KCNIP4: variants seen among roughly 807,000 people sequenced by gnomAD.
The protein encoded by KCNIP4 is potassium voltage-gated channel interacting protein 4.
KCNIP4 carries 12 observed loss-of-function variants against 34.0 expected under a neutral mutation model. The ratio of observed to expected loss-of-function variants is 0.35; its 90% CI spans 0.23 to 0.57. The LOEUF (loss-of-function observed/expected upper bound fraction) is 0.57. Ranked by LOEUF, KCNIP4 falls within the 20% of genes least tolerant of loss-of-function variation. The pLI is 0.83. For synonymous variants in KCNIP4, 124 were observed against 102.2 expected, an observed-to-expected ratio of 1.21 and a Z score of -1.29; for missense variants, 238 against 311.7, an observed-to-expected ratio of 0.76 and a Z score of 1.78.
At chr4:21,286,991 T>C (rs765888645) in intron 1 of KCNIP4, among the ~76,000 whole-genome samples, 20 of 152,180 alleles carry the variant, frequency 1.3e-4, no homozygotes, top group Admixed American at 1.3e-3. Context: ...TACTGTAAGA[T>C]TCCTCAACAC....
chr4:21,940,253 A>G (rs1382455849), intron 1 of KCNIP4, among the ~76,000 whole-genome samples: 1 of 152,136 alleles, frequency 6.6e-6, no homozygotes, highest in Non-Finnish European at 1.5e-5. Context: ...GGAAAATAGA[A>G]CAAACACAGA....
At chr4:20,780,843 A>G (rs1406463742) in intron 3 of KCNIP4, among the ~76,000 whole-genome samples, 1 of 152,224 alleles carries the variant, frequency 6.6e-6, no homozygotes, top group East Asian at 1.9e-4. Context: ...ATGTGAGTCA[A>G]TAAACCTTTA....
intron 1 of KCNIP4, among the ~76,000 whole-genome samples, chr4:21,012,171 G>A (rs530038966): frequency 1.3e-5 from 2 of 152,282 alleles, no homozygotes; most frequent in East Asian, 3.9e-4. Flanking sequence ...GGTTCCTGTT[G>A]TGCCCAGCAC....
intron 1 of KCNIP4, among the ~76,000 whole-genome samples, chr4:21,894,134 C>T: frequency 6.6e-6 from 1 of 151,848 alleles, no homozygotes; most frequent in East Asian, 1.9e-4. Context: ...AAGCTCAAGA[C>T]CAGCCTGGGA....
At chr4:21,909,061 A>G (rs1311348917) in intron 1 of KCNIP4, among the ~76,000 whole-genome samples, 1 of 152,182 alleles carries the variant, frequency 6.6e-6, no homozygotes, top group African/African-American at 2.4e-5. Context: ...TGGTGTAAAT[A>G]CAGAGTAAAT....
At chr4:21,405,179 A>G (rs1723866975) in intron 1 of KCNIP4, among the ~76,000 whole-genome samples, 1 of 151,870 alleles carries the variant, frequency 6.6e-6, no homozygotes. Context: ...GTTCTTAGTA[A>G]TTTTCCGTCC....
chr4:21,851,873 G>A lies in KCNIP4; in HGVS notation c.61+96698C>T, dbSNP rs142875708. ...AGACTCTCAAGATACTGGAACCCTC[G>A]TCTCAGTTCTGTCTTAATAAAATTT... On this transcript the variant is annotated intron_variant, in intron 1 of 8. Coordinates refer to ENST00000382152, the MANE Select transcript of KCNIP4 (RefSeq NM_025221.6). The A allele has an allele frequency of 4.7e-4, 71 of 152,218 alleles. 1 individual carries two copies. Among genetic ancestry groups the A allele is most frequent in the African/African-American group, 1.5e-3 (62 of 41,534 alleles). The allele number at this position is 152,218 out of a possible 1,614,324, so 9.4% of individuals were successfully genotyped here.
At chr4:21,360,217 A>G (rs1223035902) in intron 1 of KCNIP4, among the ~76,000 whole-genome samples, 1 of 152,136 alleles carries the variant, frequency 6.6e-6, no homozygotes, top group Non-Finnish European at 1.5e-5. Flanking sequence ...ATCAAGAATT[A>G]TTAGGAATCA....
intron 3 of KCNIP4, among the ~76,000 whole-genome samples, chr4:20,781,475 T>C (rs948918215): frequency 6.6e-6 from 1 of 151,932 alleles, no homozygotes; most frequent in Non-Finnish European, 1.5e-5. Context: ...GAAAAAGAGG[T>C]TTAATTGGAC....
At chr4:21,478,795 C>A (rs1731197858) in intron 1 of KCNIP4, among the ~76,000 whole-genome samples, 1 of 152,134 alleles carries the variant, frequency 6.6e-6, no homozygotes, top group Non-Finnish European at 1.5e-5. Flanking sequence ...CAATCTGGAT[C>A]CCTTATACAG....
chr4:21,556,146 T>A (rs1032356340), intron 1 of KCNIP4, among the ~76,000 whole-genome samples: 2 of 152,094 alleles, frequency 1.3e-5, no homozygotes, highest in Non-Finnish European at 2.9e-5. Flanking sequence ...TGAGTAAAAA[T>A]GGATTTTGAG....
intron 1 of KCNIP4, among the ~76,000 whole-genome samples, chr4:21,880,380 A>G (rs1367404414): frequency 6.6e-6 from 1 of 152,180 alleles, no homozygotes; most frequent in Non-Finnish European, 1.5e-5. Flanking sequence ...AATGTATATT[A>G]GTTTTCCTAA....
Position 21,934,258 on chromosome 4 carries a change from C to A in KCNIP4, c.61+14313G>T, listed in dbSNP as rs550870418. Among the ~76,000 whole-genome samples the A allele has an allele frequency of 1.8e-4, 28 of 152,150 alleles. No homozygotes were observed. In the South Asian group the frequency reaches 3.3e-3, roughly 18 times the overall value. ...TACTGCACTTCCAACGACTAGGCTG[C>A]CCCAGACTCTTATCAGGCACTAGTT... On this transcript the variant is annotated intron_variant, in intron 1 of 8. Transcript: ENST00000382152.
chr4:21,505,666 A>C (rs1276374023), intron 1 of KCNIP4, among the ~76,000 whole-genome samples: 1 of 152,142 alleles, frequency 6.6e-6, no homozygotes, highest in African/African-American at 2.4e-5. Context: ...GACTTTCAGC[A>C]CTCAAAAGGC....
intron 1 of KCNIP4, among the ~76,000 whole-genome samples, chr4:21,446,414 C>A (rs1188707200): frequency 6.6e-6 from 1 of 151,902 alleles, no homozygotes; most frequent in Non-Finnish European, 1.5e-5. Flanking sequence ...GAAAATGTGG[C>A]ACATATACAC....
intron 3 of KCNIP4, among the ~76,000 whole-genome samples, chr4:20,760,820 GA>G (rs758390077): frequency 6.6e-6 from 1 of 151,998 alleles, no homozygotes; most frequent in Non-Finnish European, 1.5e-5. Context: ...TTGGAGTAAA[GA>G]AAAAAACAAC....
intron 1 of KCNIP4, among the ~76,000 whole-genome samples, chr4:21,135,932 G>C (rs1012556950): frequency 1.3e-5 from 2 of 152,126 alleles, no homozygotes; most frequent in Admixed American, 1.3e-4. Context: ...GCTTAACAGT[G>C]CTCCCTGCAA....
At chr4:20,822,938 C>T (rs995451955) in intron 3 of KCNIP4, among the ~76,000 whole-genome samples, 12 of 151,952 alleles carry the variant, frequency 7.9e-5, no homozygotes, top group South Asian at 2.1e-4. Context: ...TGTCTTCTAC[C>T]ATGGGATGAC....
intron 1 of KCNIP4, among the ~76,000 whole-genome samples, chr4:21,616,693 A>AT (rs963025521): frequency 6.6e-6 from 1 of 152,024 alleles, no homozygotes; most frequent in Admixed American, 6.6e-5. Context: ...TAGTTGTGTC[A>AT]TTCACATCTC....
Sources: allele counts gnomAD v4.1 joint callset (sites outside exome capture counted in the v4.1 genomes callset), GRCh38; gene constraint gnomAD v4.1.1; transcripts MANE v1.5; gene names NCBI Gene and HGNC (gene_info 2026-07-23, HGNC 2026-07-21).